The following MICAL2 variants were observed in gnomAD, a reference collection of about 807,000 sequenced individuals.
MICAL2 encodes the protein microtubule associated monooxygenase, calponin and LIM domain containing 2.
Under a neutral mutation model 127.3 loss-of-function variants are expected in MICAL2, and 77 were observed. That is an observed-to-expected ratio of 0.60 (90% CI 0.50 to 0.73). The LOEUF is 0.73. MICAL2 is among the 30% of genes least tolerant of loss of function. MICAL2 has a pLI of 0.00. For missense variants in MICAL2, 1,351 were observed against 1,434.4 expected (o/e 0.94, Z 0.94); for synonymous variants, 570 against 551.1 (o/e 1.03, Z -0.48).
chr11:12,353,786 C>A (rs1156314550), intron 33 of MICAL2, among the ~76,000 whole-genome samples: 1 of 152,216 alleles, frequency 6.6e-6, no homozygotes, highest in African/African-American at 2.4e-5. Flanking sequence ...CTGACTCTTT[C>A]CACCTCTCCT....
At chr11:12,286,179 A>G (rs1024057488) in intron 2 of MICAL2, among the ~76,000 whole-genome samples, 3 of 152,138 alleles carry the variant, frequency 2.0e-5, no homozygotes, top group Non-Finnish European at 4.4e-5. Context: ...TGTCCCGCAA[A>G]TATGTTTCCC....
intron 7 of MICAL2, 68 bp from the exon 8 acceptor site, chr11:12,216,150 AG>A: frequency 8.4e-7 from 1 of 1,192,618 alleles, no homozygotes; most frequent in Non-Finnish European, 1.3e-6. Context: ...AGTGAGGCAA[AG>A]TACAGTTCCT....
intron 3 of MICAL2, among the ~76,000 whole-genome samples, chr11:12,202,857 A>C (rs7104327): frequency 6.6e-6 from 1 of 152,150 alleles, no homozygotes; most frequent in East Asian, 1.9e-4. Flanking sequence ...GTATATTTAC[A>C]AAGTTATGCA....
At chr11:12,323,830 C>A in intron 30 of MICAL2, 1 of 904,816 alleles carries the variant, frequency 1.1e-6, no homozygotes, top group Non-Finnish European at 1.6e-6. Flanking sequence ...TCTATCATTG[C>A]AGAGAGTTCT....
At chr11:12,138,224 C>T (rs1852008597) in intron 1 of MICAL2, among the ~76,000 whole-genome samples, 166 bp from the exon 2 acceptor site, 1 of 152,170 alleles carries the variant, frequency 6.6e-6, no homozygotes, top group Admixed American at 6.5e-5. Flanking sequence ...ACGTGCAAAA[C>T]TTGTTGGAGG....
intron 10 of MICAL2, 94 bp downstream of exon 10, chr11:12,221,853 T>C (rs1856853892): frequency 1.1e-6 from 1 of 906,498 alleles, no homozygotes; most frequent in Admixed American, 2.4e-5. Flanking sequence ...TGGATATACC[T>C]GGAGCCTCTG....
At position 12,216,323 on chromosome 11, in the gene MICAL2, C is replaced by T. The variant is rs147059352; in HGVS notation, c.948+4C>T. The stretch of plus-strand genomic sequence containing the variant: ...CGACAAAGGTGTCATCATTAACGTA[C>T]GTACCTCTTGGCTGCGATTTCCCGA... On this transcript the variant is annotated splice_donor_region_variant and intron_variant, in intron 8 of 27. Transcript: ENST00000683283. 35 of 1,611,468 alleles carry T rather than the reference C, an allele frequency of 2.2e-5. No homozygotes were observed. In the East Asian group the frequency reaches 2.9e-4, roughly 13 times the overall value.
intron 32 of MICAL2, among the ~76,000 whole-genome samples, chr11:12,335,148 ACT>A (rs1938725720): frequency 6.8e-6 from 1 of 147,424 alleles, no homozygotes; most frequent in Admixed American, 6.8e-5. Flanking sequence ...TGCCGTTCTA[ACT>A]GGTGTGAGAT....
intron 32 of MICAL2, among the ~76,000 whole-genome samples, chr11:12,334,923 G>A (rs965222559): frequency 2.0e-5 from 3 of 152,126 alleles, no homozygotes; most frequent in African/African-American, 2.4e-5. Context: ...ACGTGCACAT[G>A]TGTCTTTATA....
chr11:12,212,270 AC>A (rs1455735893), intron 6 of MICAL2, among the ~76,000 whole-genome samples: 3 of 152,190 alleles, frequency 2.0e-5, no homozygotes, highest in Non-Finnish European at 4.4e-5. Flanking sequence ...GAATTAGAGC[AC>A]TAAGCCTGGG....
chr11:12,240,952 T>C (rs1323443719), intron 17 of MICAL2, 88 bp from the exon 18 acceptor site: 1 of 1,513,296 alleles, frequency 6.6e-7, no homozygotes, highest in African/African-American at 1.4e-5. Flanking sequence ...GCTCCTCTTC[T>C]CTTCTCCCTC....
intron 1 of MICAL2, among the ~76,000 whole-genome samples, chr11:12,123,656 C>T (rs182688841): frequency 6.6e-6 from 1 of 152,322 alleles, no homozygotes; most frequent in Admixed American, 6.5e-5. Flanking sequence ...CGTTAGGTTT[C>T]AGGGGGTTTT....
At chr11:12,348,928 C>T (rs56953504) in intron 32 of MICAL2, among the ~76,000 whole-genome samples, 7 of 144,964 alleles carry the variant, frequency 4.8e-5, no homozygotes, top group African/African-American at 1.7e-4. Flanking sequence ...TATTGTATTG[C>T]CTGTGTGTCT....
At chr11:12,126,306 G>A (rs558342847) in intron 1 of MICAL2, among the ~76,000 whole-genome samples, 4 of 152,224 alleles carry the variant, frequency 2.6e-5, no homozygotes, top group Non-Finnish European at 5.9e-5. Flanking sequence ...TGGAAGCTCT[G>A]AATCTCTGGG....
intron 3 of MICAL2, among the ~76,000 whole-genome samples, chr11:12,176,064 C>T (rs1344285307): frequency 6.6e-6 from 1 of 152,182 alleles, no homozygotes; most frequent in Admixed American, 6.5e-5. Flanking sequence ...AGGGTCTCTC[C>T]TATCTGTGAG....
chr11:12,306,586 A>AT (rs1864112483), intron 29 of MICAL2, among the ~76,000 whole-genome samples: 1 of 152,194 alleles, frequency 6.6e-6, no homozygotes, highest in African/African-American at 2.4e-5. Context: ...ACCATCCTAA[A>AT]TGGTCTTCTC....
intron 29 of MICAL2, among the ~76,000 whole-genome samples, chr11:12,299,219 A>G (rs1347066503): frequency 6.6e-6 from 1 of 152,132 alleles, no homozygotes; most frequent in Non-Finnish European, 1.5e-5. Context: ...TTAGGTCAGT[A>G]TCCTAAGAAT....
chr11:12,185,821 T>C (rs1421678141), intron 3 of MICAL2, among the ~76,000 whole-genome samples: 1 of 152,178 alleles, frequency 6.6e-6, no homozygotes, highest in African/African-American at 2.4e-5. Context: ...AAGTGACCCT[T>C]TTGTACTCTG....
chr11:12,289,595 G>A (rs1035786428), downstream of MICAL2, among the ~76,000 whole-genome samples: 31 of 132,104 alleles, frequency 2.3e-4, no homozygotes, highest in African/African-American at 8.0e-4. Context: ...TTGAGATGGG[G>A]TCTCACTTGG....
Sources: allele counts gnomAD v4.1 joint callset (sites outside exome capture counted in the v4.1 genomes callset), GRCh38; gene constraint gnomAD v4.1.1; transcripts MANE v1.5; gene names NCBI Gene and HGNC (gene_info 2026-07-23, HGNC 2026-07-21).